The following SUSD3 variants were observed in gnomAD, a reference collection of about 807,000 sequenced individuals.
The protein encoded by SUSD3 is sushi domain containing 3, also known as sushi domain-containing protein 3.
SUSD3 carries 18 observed loss-of-function variants against 20.6 expected under a neutral mutation model. The observed-to-expected ratio is 0.87, with a 90% CI of 0.60 to 1.30. The LOEUF (loss-of-function observed/expected upper bound fraction) is 1.30, where lower values mean the gene tolerates loss of function less well. SUSD3 is among the 50% of genes most tolerant of loss of function. SUSD3 has a pLI of 0.00. For missense variants in SUSD3, 306 were observed against 346.9 expected (o/e 0.88, Z 0.94); for synonymous variants, 137 against 141.5 (o/e 0.97, Z 0.23).
intron 1 of SUSD3, among the ~76,000 whole-genome samples, chr9:93,074,431 CAAA>C (rs56872294): frequency 0.016 from 609 of 38,770 alleles, 2 homozygotes; most frequent in African/African-American, 0.049. Context: ...GACTCTGACT[CAAA>C]AAAAAAAAAA....
chr9:93,083,421 C>T (rs1306711021), intron 4 of SUSD3, among the ~76,000 whole-genome samples: 1 of 152,240 alleles, frequency 6.6e-6, no homozygotes, highest in African/African-American at 2.4e-5. Context: ...TCAGGCAGGG[C>T]CCAGGCTGCC....
At chr9:93,061,868 GGGT>G in intron 1 of SUSD3, among the ~76,000 whole-genome samples, 1 of 152,214 alleles carries the variant, frequency 6.6e-6, no homozygotes, top group East Asian at 1.9e-4. Context: ...AGGTGAGACT[GGGT>G]TCAGCAGCCT....
intron 1 of SUSD3, among the ~76,000 whole-genome samples, chr9:93,074,431 CAAAAAAAAAAAAAA>C (rs56872294): frequency 1.0e-4 from 4 of 38,852 alleles, no homozygotes; most frequent in Non-Finnish European, 1.7e-4. Context: ...GACTCTGACT[CAAAAAAAAAAAAAA>C]AAAAAAAAAA....
At position 93,075,972 on chromosome 9, in the gene SUSD3, C is replaced by CG. The variant is rs771727595; in HGVS notation, c.277+1dup. 4 of 1,586,734 alleles carry CG rather than the reference C, an allele frequency of 2.5e-6. No homozygotes were observed. Among genetic ancestry groups the CG allele is most frequent in the Non-Finnish European group, 3.4e-6 (4 of 1,161,732 alleles). On this transcript the variant is annotated frameshift_variant and splice_region_variant. Transcript: ENST00000375472. LOFTEE classifies it high-confidence loss of function. ...GTCTTCAGGGTCCCCAGTGTGCAAA[C>CG]GTAAGGACCCCTCTCTCAGCTCGGT...
chr9:93,063,555 C>T, intron 1 of SUSD3, among the ~76,000 whole-genome samples: 1 of 152,200 alleles, frequency 6.6e-6, no homozygotes, highest in East Asian at 1.9e-4. Flanking sequence ...AGTGGCTTCT[C>T]TTTCTGTGGC....
At chr9:93,060,215 C>T (rs757779788) in intron 1 of SUSD3, among the ~76,000 whole-genome samples, 1 of 152,184 alleles carries the variant, frequency 6.6e-6, no homozygotes, top group Non-Finnish European at 1.5e-5. Flanking sequence ...CCTGGCTCTG[C>T]CTCTGACCAC....
chr9:93,084,718 C>G lies in SUSD3; in HGVS notation c.739C>G (p.Gln247Glu). The G allele has an allele frequency of 6.3e-7, 1 of 1,590,382 alleles. No individual in the cohort carries two copies. Among genetic ancestry groups the G allele is most frequent in the South Asian group, 1.1e-5 (1 of 87,972 alleles). ...CTCTGGGCTGGCCACAGGAATGCCA[C>G]AACAGCCCGCAGCATATGCCCTAGG... is the stretch of plus-strand genomic sequence containing the variant. ...PASGLATGMP[Q>E]QPAAYALG Residue 247 changes from glutamine to glutamate, a missense_variant, in exon 5 of 5, where the codon CAA (glutamine) becomes GAA (glutamate). By Grantham distance (29) the Gln-to-Glu change is conservative (BLOSUM62 2). Transcript: ENST00000375472.
chr9:93,072,438 C>G (rs1313203949), intron 1 of SUSD3, among the ~76,000 whole-genome samples: 1 of 152,188 alleles, frequency 6.6e-6, no homozygotes, highest in Non-Finnish European at 1.5e-5. Context: ...ACTGTCACTA[C>G]CATGGCACAG....
intron 4 of SUSD3, among the ~76,000 whole-genome samples, chr9:93,083,611 G>T (rs1826515304): frequency 6.6e-6 from 1 of 152,240 alleles, no homozygotes; most frequent in South Asian, 2.1e-4. Context: ...TGAAGAACTA[G>T]GCAGGTTAAG....
rs969443835 is a variant in SUSD3 at position 93,077,774 on chromosome 9, A to C, written c.278-72A>C. ...CCAGGCCCTACCCGTACCACCCCTGAGACCCCCAACCCCTGGGCCAAGCAA... is the reference window on the plus strand; with the variant it reads ...CCAGGCCCTACCCGTACCACCCCTGCGACCCCCAACCCCTGGGCCAAGCAA... On this transcript the variant is annotated intron_variant, in intron 2 of 4. Coordinates refer to ENST00000375472, the MANE Select transcript of SUSD3 (RefSeq NM_145006.4). The C allele has an allele frequency of 8.2e-6, 13 of 1,576,014 alleles. No homozygotes were observed. The African/African-American group carries it at 1.6e-4, about 20-fold the overall frequency.
At chr9:93,082,056 T>G (rs1826435992) in intron 4 of SUSD3, among the ~76,000 whole-genome samples, 2 of 152,236 alleles carry the variant, frequency 1.3e-5, no homozygotes, top group Non-Finnish European at 2.9e-5. Flanking sequence ...GGTAACTGCA[T>G]CATCACTGAG....
At chr9:93,078,460 A>G (rs747447595) in intron 3 of SUSD3, among the ~76,000 whole-genome samples, 8 of 152,126 alleles carry the variant, frequency 5.3e-5, no homozygotes, top group African/African-American at 1.4e-4. Context: ...GGGTTTCACC[A>G]TATTGGCCAG....
chr9:93,082,583 C>T (rs9696341), intron 4 of SUSD3, among the ~76,000 whole-genome samples: 33,465 of 152,094 alleles, frequency 0.22, 4,464 homozygotes, highest in African/African-American at 0.37. Context: ...TCCCAAAGTG[C>T]TGGGATTACA....
intron 1 of SUSD3, among the ~76,000 whole-genome samples, chr9:93,068,296 CTA>C (rs1293041210): frequency 1.3e-5 from 2 of 152,096 alleles, no homozygotes; most frequent in Admixed American, 1.3e-4. Flanking sequence ...AAGATTTTCC[CTA>C]TGTTTTCTTC....
In SUSD3 at chr9:93,075,745, C is replaced by A. The variant is rs752413930; in HGVS notation, c.89-39C>A. 10 of 177,870 alleles carry A rather than the reference C, an allele frequency of 5.6e-5. 1 individual carries two copies. Among genetic ancestry groups the A allele is most frequent in the Non-Finnish European group, 9.1e-5 (8 of 87,478 alleles). 11.0% of individuals were successfully genotyped at this position (177,870 alleles called of 1,614,324 possible). On this transcript the variant is annotated intron_variant, in intron 1 of 4. Transcript: ENST00000375472. Reference sequence around the variant, plus strand: ...CAGCCCTGCCCTGCGTGCCCACCCCCCCCCCCCCGCCATGCCTCATACCTG... The same window carrying A: ...CAGCCCTGCCCTGCGTGCCCACCCCACCCCCCCCGCCATGCCTCATACCTG...
chr9:93,076,033 ATGGGGATGGTGTGGG>A (rs1826146065), intron 2 of SUSD3, 61 bp downstream of exon 2: 3 of 1,438,320 alleles, frequency 2.1e-6, no homozygotes, highest in Non-Finnish European at 2.9e-6. Flanking sequence ...AAATCCTGTC[ATGGGGATGGTGTGGG>A]TGGGGATGGC....
rs975052241 is a variant in SUSD3, at chr9:93,084,840, C to T, written c.*93C>T. 3.1e-5 allele frequency: 36 copies of T among 1,163,070 alleles called. No individual in the cohort carries two copies. The highest frequency in any genetic ancestry group is 1.9e-4 in the African/African-American group (12 of 63,280). 72.0% of individuals were successfully genotyped at this position (1,163,070 alleles called of 1,614,324 possible). On this transcript the variant is annotated 3_prime_UTR_variant, in exon 5 of 5. Transcript: ENST00000375472. ...TACAACTCCACATCAACTCCACATG[C>T]GCCCAGCTCGAGACTGATGAGTGGA...
rs766505876 is a variant in SUSD3 at position 93,075,736 on chromosome 9, G to GC, written c.89-45dup. On this transcript the variant is annotated intron_variant, in intron 1 of 4. Coordinates refer to ENST00000375472, the MANE Select transcript of SUSD3 (RefSeq NM_145006.4). Reference sequence around the variant, plus strand: ...GGTCCTGCCCAGCCCTGCCCTGCGTGCCCACCCCCCCCCCCCCGCCATGCC... The same window carrying GC: ...GGTCCTGCCCAGCCCTGCCCTGCGTGCCCCACCCCCCCCCCCCCGCCATGCC... 1,038 of 272,214 alleles carry GC rather than the reference G, an allele frequency of 3.8e-3. 18 individuals are homozygous for GC. The highest frequency in any genetic ancestry group is 9.0e-3 in the African/African-American group (93 of 10,366). 16.9% of individuals were successfully genotyped at this position (272,214 alleles called of 1,614,324 possible).
Position 93,070,400 on chromosome 9 carries a change from G to A in SUSD3, c.89-5384G>A, listed in dbSNP as rs149617069. On this transcript the variant is annotated intron_variant, in intron 1 of 4. Transcript: ENST00000375472. ...TGCAAATGCTGAGGATCCATAGACAGGGAGCAGTCAGAATGGCCCTGCCCA... is the reference window on the plus strand; with the variant it reads ...TGCAAATGCTGAGGATCCATAGACAAGGAGCAGTCAGAATGGCCCTGCCCA... Among the ~76,000 whole-genome samples, 1,173 of 152,338 alleles carry A rather than the reference G, an allele frequency of 7.7e-3. 20 individuals carry two copies. Among genetic ancestry groups the A allele is most frequent in the African/African-American group, 0.026 (1,100 of 41,570 alleles).
Sources: allele counts gnomAD v4.1 joint callset (sites outside exome capture counted in the v4.1 genomes callset), GRCh38; gene constraint gnomAD v4.1.1; transcripts MANE v1.5; gene names NCBI Gene and HGNC (gene_info 2026-07-23, HGNC 2026-07-21).